Variants in CCDC146 observed in about 807,000 individuals in gnomAD.
The protein encoded by CCDC146 is coiled-coil domain-containing protein 146.
In CCDC146, 92 loss-of-function variants were observed where a neutral mutation model predicts 119.3. The observed-to-expected ratio is 0.77, with a 90% CI of 0.65 to 0.92. The LOEUF (loss-of-function observed/expected upper bound fraction) is 0.92. CCDC146 is among the 40% of genes least tolerant of loss of function. The probability of loss-of-function intolerance (pLI) is 0.00; values close to 1 mark genes in which losing one functional copy is unlikely to be tolerated. For missense variants in CCDC146, 1,000 were observed against 1,103.0 expected (o/e 0.91, Z 1.32); for synonymous variants, 372 against 371.8 (o/e 1.00, Z -0.01).
intron 11 of CCDC146, among the ~76,000 whole-genome samples, chr7:77,275,186 A>G (rs917345103): frequency 4.6e-5 from 7 of 152,162 alleles, no homozygotes; most frequent in Non-Finnish European, 1.0e-4. Flanking sequence ...GAGTACTCAC[A>G]GAATACAAAA....
At chr7:77,286,106 C>T (rs1212078081) in intron 15 of CCDC146, among the ~76,000 whole-genome samples, 3 of 152,154 alleles carry the variant, frequency 2.0e-5, no homozygotes, top group Non-Finnish European at 4.4e-5. Flanking sequence ...TTTATTTTAG[C>T]TCATGGTTCT....
At chr7:77,214,044 G>A (rs1395089843) in intron 2 of CCDC146, among the ~76,000 whole-genome samples, 1 of 152,132 alleles carries the variant, frequency 6.6e-6, no homozygotes, top group Admixed American at 6.5e-5. Flanking sequence ...TTTCCATGCT[G>A]TTTTCCACAG....
intron 5 of CCDC146, among the ~76,000 whole-genome samples, chr7:77,255,710 G>A (rs2150507881): frequency 6.6e-6 from 1 of 152,284 alleles, no homozygotes; most frequent in South Asian, 2.1e-4. Context: ...CTGAGTGTAA[G>A]AAGCCTTCTC....
chr7:77,211,896 G>A (rs1792192125), intron 2 of CCDC146, among the ~76,000 whole-genome samples: 1 of 152,138 alleles, frequency 6.6e-6, no homozygotes, highest in African/African-American at 2.4e-5. Flanking sequence ...GATTACAGGT[G>A]TAAGCTGCCG....
chr7:77,142,180 C>A (rs1272760402), intron 1 of CCDC146, among the ~76,000 whole-genome samples: 2 of 152,140 alleles, frequency 1.3e-5, no homozygotes, highest in Non-Finnish European at 2.9e-5. Flanking sequence ...CCTCTCTCAC[C>A]ACTCTTATTC....
rs767439247 is a variant in CCDC146 at position 77,237,086 on chromosome 7, G to A, written c.239+57G>A. ...AATCACCTTTAAATTTCTTACTGGT[G>A]ATGAGACCTGTCTTCATTTGCATTC... On this transcript the variant is annotated intron_variant, in intron 3 of 18. Transcript: ENST00000285871. 3 of 1,363,820 alleles carry A rather than the reference G, an allele frequency of 2.2e-6. No homozygotes were observed. The African/African-American group carries it at 4.3e-5, about 20-fold the overall frequency. The allele number at this position is 1,363,820 out of a possible 1,614,324, so 84.5% of individuals were successfully genotyped here.
At chr7:77,280,819 C>T (rs146969927) in intron 14 of CCDC146, among the ~76,000 whole-genome samples, 166 bp downstream of exon 14, 12 of 152,192 alleles carry the variant, frequency 7.9e-5, no homozygotes, top group Admixed American at 7.2e-4. Flanking sequence ...ATAAGAAACA[C>T]TGTCCTCACG....
At chr7:77,199,174 T>C (rs1791931078) in intron 2 of CCDC146, 1 of 1,609,132 alleles carries the variant, frequency 6.2e-7, no homozygotes. Context: ...AACATTATTA[T>C]ACATACCTGG....
chr7:77,141,123 T>G (rs1437825659), intron 1 of CCDC146, among the ~76,000 whole-genome samples: 1 of 152,194 alleles, frequency 6.6e-6, no homozygotes, highest in African/African-American at 2.4e-5. Flanking sequence ...CCTGTGTCCC[T>G]GTGTTCTCAT....
At chr7:77,154,767 C>T (rs539780100) in intron 1 of CCDC146, among the ~76,000 whole-genome samples, 7 of 152,084 alleles carry the variant, frequency 4.6e-5, no homozygotes, top group African/African-American at 9.7e-5. Context: ...TAAACATGTG[C>T]GTGCATGTGT....
intron 1 of CCDC146, among the ~76,000 whole-genome samples, chr7:77,151,853 A>G (rs28666803): frequency 0.011 from 1,665 of 152,234 alleles, 24 homozygotes; most frequent in African/African-American, 0.038. Flanking sequence ...GCTGGCTCTC[A>G]GTTGTCTGGT....
At chr7:77,165,092 C>G (rs1442964318) in intron 1 of CCDC146, among the ~76,000 whole-genome samples, 1 of 152,238 alleles carries the variant, frequency 6.6e-6, no homozygotes, top group Non-Finnish European at 1.5e-5. Flanking sequence ...TACCTGCTCT[C>G]TCTCCAGAAG....
chr7:77,226,254 T>A lies in CCDC146; in HGVS notation c.157-10693T>A, dbSNP rs140960876. On this transcript the variant is annotated intron_variant, in intron 2 of 18. Transcript: ENST00000285871. ...GGGAGATGAGAGTGGTAACCACTTA[T>A]GCTTTCACATTTATATTACCTTCCA... Among the ~76,000 whole-genome samples, 664 of 152,378 alleles carry A rather than the reference T, an allele frequency of 4.4e-3. 3 individuals carry two copies. Among genetic ancestry groups the A allele is most frequent in the Middle Eastern group, 0.02 (6 of 294 alleles).
intron 2 of CCDC146, among the ~76,000 whole-genome samples, chr7:77,206,001 G>A (rs1359061174): frequency 6.6e-6 from 1 of 152,118 alleles, no homozygotes; most frequent in African/African-American, 2.4e-5. Context: ...CTAAAAGAAG[G>A]CAGAAAGTTG....
chr7:77,193,137 C>T (rs1419937811), intron 2 of CCDC146, among the ~76,000 whole-genome samples: 1 of 152,050 alleles, frequency 6.6e-6, no homozygotes, highest in African/African-American at 2.4e-5. Context: ...AGAGCAGCAA[C>T]ACTAATAACG....
intron 11 of CCDC146, among the ~76,000 whole-genome samples, chr7:77,276,315 T>C (rs1302385706): frequency 6.6e-6 from 1 of 151,980 alleles, no homozygotes; most frequent in East Asian, 1.9e-4. Context: ...CATAGAATGG[T>C]ATTTCTTCTC....
At position 77,199,094 on chromosome 7, in the gene CCDC146, A is replaced by G. The variant is rs536526496; in HGVS notation, c.156+31270A>G. The G allele has an allele frequency of 2.1e-4, 241 of 1,140,312 alleles. 1 individual carries two copies. In the East Asian group the frequency reaches 5.6e-3, roughly 27 times the overall value. The allele number at this position is 1,140,312 out of a possible 1,614,324, so 70.6% of individuals were successfully genotyped here. ...AAAGACTTAATCTGTCATCTATTTA[A>G]CTTACTGACTCAGGTTAATGTTTAT... On this transcript the variant is annotated intron_variant, in intron 2 of 18. Coordinates refer to ENST00000285871, the MANE Select transcript of CCDC146 (RefSeq NM_020879.3).
At chr7:77,184,926 C>G (rs1211330263) in intron 2 of CCDC146, among the ~76,000 whole-genome samples, 1 of 152,148 alleles carries the variant, frequency 6.6e-6, no homozygotes, top group Non-Finnish European at 1.5e-5. Flanking sequence ...TTTTCCACTT[C>G]CTGGATTCAC....
chr7:77,186,713 A>G (rs1009696615), intron 2 of CCDC146, among the ~76,000 whole-genome samples: 7 of 152,226 alleles, frequency 4.6e-5, no homozygotes, highest in South Asian at 2.1e-4. Context: ...AAGGAGTTTA[A>G]TTGAGCAATG....
Sources: gnomAD v4.1 joint callset for allele counts (sites outside exome capture counted in the v4.1 genomes callset) on GRCh38, gnomAD v4.1.1 for gene constraint, MANE v1.5 for transcripts, NCBI Gene and HGNC (gene_info 2026-07-23, HGNC 2026-07-21) for gene names.